Variants in IPPK observed in about 807,000 individuals in gnomAD.
IPPK encodes inositol-pentakisphosphate 2-kinase.
IPPK carries 22 observed loss-of-function variants against 64.6 expected under a neutral mutation model. The observed-to-expected ratio is 0.34, with a 90% CI of 0.24 to 0.49. IPPK has a LOEUF of 0.49. IPPK is among the 20% of genes least tolerant of loss of function. The probability of loss-of-function intolerance (pLI) is 0.99; values close to 1 mark genes in which losing one functional copy is unlikely to be tolerated. For synonymous variants in IPPK, 262 were observed against 247.2 expected, an observed-to-expected ratio of 1.06 and a Z score of -0.56; for missense variants, 532 against 630.7, an observed-to-expected ratio of 0.84 and a Z score of 1.68.
rs774618797 is a variant in IPPK, at chr9:92,652,625, T to C, written c.240A>G (p.Leu80=). Residue 80 remains leucine, a synonymous_variant, in exon 4 of 13, where the codon CTA becomes CTG. Coordinates refer to ENST00000287996, the MANE Select transcript of IPPK (RefSeq NM_022755.6). Reference sequence around the variant, plus strand: ...AAAGCTGTTTCACAAACTCTAAAGGTAGCTGAACGACCTCCTGTAAGAAAA... The same window carrying C: ...AAAGCTGTTTCACAAACTCTAAAGGCAGCTGAACGACCTCCTGTAAGAAAA... ...NYVHYGEVVQ[L]PLEFVKQLCL... 7.6e-6 allele frequency: 12 copies of C among 1,570,228 alleles called. No homozygotes were observed. Among genetic ancestry groups the C allele is most frequent in the Non-Finnish European group, 1.0e-5 (12 of 1,147,960 alleles).
Position 92,656,564 on chromosome 9 carries a change from A to G in IPPK, c.130-13T>C. ...TCTCTTCCGAGGTCTGTAAGAGACA[A>G]CCACAGGACAGCCTTCGTGATGGGA... is the stretch of plus-strand genomic sequence containing the variant. On this transcript the variant is annotated splice_polypyrimidine_tract_variant and intron_variant, in intron 2 of 12. Transcript: ENST00000287996. The G allele has an allele frequency of 6.4e-7, 1 of 1,561,306 alleles. No homozygotes were observed. The highest frequency in any genetic ancestry group is 8.8e-7 in the Non-Finnish European group (1 of 1,131,970).
At chr9:92,616,145 A>AGTAT (rs1851425247) in intron 12 of IPPK, 88 bp from the exon 13 acceptor site, 1 of 883,866 alleles carries the variant, frequency 1.1e-6, no homozygotes, top group African/African-American at 1.7e-5. Context: ...TCTTTCAACT[A>AGTAT]GTATGTTTTT....
chr9:92,625,378 A>G (rs1851715442), intron 11 of IPPK, among the ~76,000 whole-genome samples: 1 of 152,218 alleles, frequency 6.6e-6, no homozygotes, highest in African/African-American at 2.4e-5. Context: ...ACATCTAAAA[A>G]TCTGTCTTAC....
chr9:92,640,507 C>T (rs1182739825), intron 8 of IPPK, among the ~76,000 whole-genome samples: 2 of 152,114 alleles, frequency 1.3e-5, no homozygotes, highest in Admixed American at 6.5e-5. Flanking sequence ...CTTGTGGAAT[C>T]GTGCTCAGAA....
chr9:92,669,913 C>T lies in IPPK; in HGVS notation c.76G>A (p.Ala26Thr), dbSNP rs1412828190. Residue 26 changes from alanine (A) to threonine (T), a missense_variant, in exon 1 of 13, where the codon GCG (alanine) becomes ACG (threonine). By Grantham distance (58) the Ala-to-Thr change is moderately conservative. Coordinates refer to ENST00000287996, the MANE Select transcript of IPPK (RefSeq NM_022755.6). Reference protein sequence around the residue: ...EGNKSLVVAHAQRCVVLRFLK... With the variant: ...EGNKSLVVAHTQRCVVLRFLK... ...GCCGCACGTCCACCGCTCACCTGCG[C>T]GTGGGCCACCACCAGGCTCTTATTG... is the stretch of plus-strand genomic sequence containing the variant. 2.5e-6 allele frequency: 4 copies of T among 1,611,048 alleles called. No individual in the cohort carries two copies. The highest frequency in any genetic ancestry group is 3.4e-6 in the Non-Finnish European group (4 of 1,178,310).
At chr9:92,662,315 C>T (rs954633976) in intron 1 of IPPK, among the ~76,000 whole-genome samples, 2 of 152,082 alleles carry the variant, frequency 1.3e-5, no homozygotes, top group African/African-American at 2.4e-5. Context: ...CAGCTGAGGT[C>T]GGGAGTTCGA....
intron 8 of IPPK, among the ~76,000 whole-genome samples, chr9:92,639,950 C>G (rs1852014706): frequency 6.6e-6 from 1 of 152,206 alleles, no homozygotes. Flanking sequence ...CAGCCATGTG[C>G]AGCAGCGAGG....
intron 3 of IPPK, among the ~76,000 whole-genome samples, chr9:92,654,942 C>T (rs1000813683): frequency 6.6e-6 from 1 of 152,240 alleles, no homozygotes; most frequent in Non-Finnish European, 1.5e-5. Flanking sequence ...CCCACAGCAG[C>T]GAGGTGGAAC....
Position 92,638,197 on chromosome 9 carries a change from G to C in IPPK, c.720C>G (p.Phe240Leu). ...TGGCCAGGCCGTTGGAAGGGAAGAAGAACGGCTTCAGGTGGTGTGCAAGCT... is the reference window on the plus strand; with the variant it reads ...TGGCCAGGCCGTTGGAAGGGAAGAACAACGGCTTCAGGTGGTGTGCAAGCT... The part of the protein sequence containing the change: ...WSELAHHLKP[F>L]FFPSNGLASG... The change falls in exon 9 of 13, where the codon TTC becomes TTG. Residue 240 changes from phenylalanine to leucine, a missense_variant. Coordinates refer to ENST00000287996, the MANE Select transcript of IPPK (RefSeq NM_022755.6). 6.2e-7 allele frequency: 1 copy of C among 1,614,276 alleles called. No homozygotes were observed. The highest frequency in any genetic ancestry group is 8.5e-7 in the Non-Finnish European group (1 of 1,180,052).
Position 92,624,633 on chromosome 9 carries a change from C to CA in IPPK, c.1171-5069dup, listed in dbSNP as rs976049585. The stretch of plus-strand genomic sequence containing the variant: ...TGGACGATGAAATGAAACTCTGTCT[C>CA]AAAAAAACAAAAATAAAAACAAAGC... On this transcript the variant is annotated intron_variant, in intron 11 of 12. Coordinates refer to ENST00000287996, the MANE Select transcript of IPPK (RefSeq NM_022755.6). Among the ~76,000 whole-genome samples the CA allele has an allele frequency of 4.6e-5, 7 of 151,910 alleles. 1 individual carries two copies. The South Asian group carries it at 1.0e-3, about 23-fold the overall frequency.
chr9:92,627,166 A>C (rs2131425018), intron 11 of IPPK, among the ~76,000 whole-genome samples: 1 of 152,306 alleles, frequency 6.6e-6, no homozygotes, highest in South Asian at 2.1e-4. Context: ...AAACTGACTT[A>C]AAAGCAGACA....
At chr9:92,626,214 G>T (rs112086427) in intron 11 of IPPK, among the ~76,000 whole-genome samples, 1 of 152,028 alleles carries the variant, frequency 6.6e-6, no homozygotes. Context: ...TGACTAACAC[G>T]GCGAAACCCC....
intron 2 of IPPK, among the ~76,000 whole-genome samples, chr9:92,657,839 C>T (rs1047234408): frequency 3.3e-5 from 5 of 152,140 alleles, no homozygotes; most frequent in African/African-American, 9.7e-5. Context: ...CACCACCCCC[C>T]GGCCTCCCTT....
At chr9:92,653,393 A>T (rs1421704280) in intron 3 of IPPK, among the ~76,000 whole-genome samples, 4 of 151,728 alleles carry the variant, frequency 2.6e-5, no homozygotes, top group Non-Finnish European at 5.9e-5. Flanking sequence ...ATGCCCCTCC[A>T]CCACCACCCC....
chr9:92,618,765 G>A, intron 12 of IPPK: 1 of 357,942 alleles, frequency 2.8e-6, no homozygotes, highest in East Asian at 7.4e-5. Flanking sequence ...GGAATCCTGG[G>A]AACTGTTTAG....
In IPPK at chr9:92,669,879, C is replaced by G. The variant is rs553070025; in HGVS notation, c.81+29G>C. On this transcript the variant is annotated intron_variant, in intron 1 of 12. Transcript: ENST00000287996. ...GATACCGGCCGTCGGAGTGAGGTAC[C>G]GGACCTGCGCCGCACGTCCACCGCT... 2.6e-5 allele frequency: 40 copies of G among 1,561,848 alleles called. No homozygotes were observed. The East Asian group carries it at 7.5e-4, about 29-fold the overall frequency.
chr9:92,635,591 C>T lies in IPPK; in HGVS notation c.917-283G>A, dbSNP rs1851926670. ...ATGTCCTGCCTCGTGGCTCTCCTCT[C>T]CCAACACAACTCTCAGAATGTCCTT... On this transcript the variant is annotated intron_variant, in intron 9 of 12. Coordinates refer to ENST00000287996, the MANE Select transcript of IPPK (RefSeq NM_022755.6). This position sits in a 1 kb window ranked among gnomAD's most constrained non-coding sequence, Gnocchi z 4.4. Among the ~76,000 whole-genome samples, 1 of 152,230 alleles carries T rather than the reference C, an allele frequency of 6.6e-6. No homozygotes were observed. Among genetic ancestry groups the T allele is most frequent in the Non-Finnish European group, 1.5e-5 (1 of 68,044 alleles).
intron 3 of IPPK, among the ~76,000 whole-genome samples, chr9:92,654,034 A>G (rs1246756321): frequency 3.3e-5 from 5 of 152,090 alleles, no homozygotes; most frequent in East Asian, 1.9e-4. Context: ...CCCACAGCAC[A>G]TATGGCTGGG....
In IPPK at chr9:92,615,615, G is replaced by C. The variant is rs1851406199; in HGVS notation, c.*217C>G. 7.5e-6 allele frequency: 4 copies of C among 533,822 alleles called. No individual in the cohort carries two copies. The highest frequency in any genetic ancestry group is 1.3e-5 in the Non-Finnish European group (4 of 296,598). 33.1% of individuals were successfully genotyped at this position (533,822 alleles called of 1,614,324 possible). The stretch of plus-strand genomic sequence containing the variant: ...GGACACTTCCATTTTAAGAGTGTGA[G>C]CAGCTTCCTGGGACACAGCACTCAC... On this transcript the variant is annotated 3_prime_UTR_variant, in exon 13 of 13. Transcript: ENST00000287996.
Sources: allele counts gnomAD v4.1 joint callset (sites outside exome capture counted in the v4.1 genomes callset), GRCh38; gene constraint gnomAD v4.1.1; non-coding constraint Gnocchi (gnomAD v3.1); transcripts MANE v1.5; gene names NCBI Gene and HGNC (gene_info 2026-07-23, HGNC 2026-07-21).